ANXA3: variants seen among roughly 807,000 people sequenced by gnomAD.
ANXA3 encodes annexin A3, also known as 35-alpha calcimedin.
ANXA3 carries 46 observed loss-of-function variants against 48.8 expected under a neutral mutation model. The ratio of observed to expected loss-of-function variants is 0.94; its 90% CI spans 0.74 to 1.21. The LOEUF (loss-of-function observed/expected upper bound fraction) is 1.21, where lower values mean the gene tolerates loss of function less well. Ranked by LOEUF, ANXA3 falls within the 50% of genes most tolerant of loss-of-function variation. ANXA3 has a pLI of 0.00. For missense variants in ANXA3, 383 were observed against 378.6 expected, an observed-to-expected ratio of 1.01 and a Z score of -0.10; for synonymous variants, 128 against 134.7, an observed-to-expected ratio of 0.95 and a Z score of 0.35.
At chr4:78,590,040 A>T (rs958265078) in intron 6 of ANXA3, among the ~76,000 whole-genome samples, 1 of 152,156 alleles carries the variant, frequency 6.6e-6, no homozygotes, top group Non-Finnish European at 1.5e-5. Flanking sequence ...GGTTGAAATA[A>T]TTTTTTACTC....
Position 78,595,420 on chromosome 4 carries a change from GCCAA to G in ANXA3, c.524_527del (p.Ala175AspfsTer28), listed in dbSNP as rs778159747. ...AAGTCTGAAAGTGGATGAGCATCTG[GCCAA>G]ACAAGATGCCCAGGTCAGTAACAAA... is the stretch of plus-strand genomic sequence containing the variant. On this transcript the variant is annotated frameshift_variant, in exon 8 of 13. Coordinates refer to ENST00000264908, the MANE Select transcript of ANXA3 (RefSeq NM_005139.3). LOFTEE classifies it high-confidence loss of function. The G allele has an allele frequency of 3.1e-6, 5 of 1,613,288 alleles. No homozygotes were observed. The highest frequency in any genetic ancestry group is 4.2e-6 in the Non-Finnish European group (5 of 1,179,820).
At chr4:78,563,759 A>T (rs985483624) in intron 2 of ANXA3, among the ~76,000 whole-genome samples, 1 of 152,200 alleles carries the variant, frequency 6.6e-6, no homozygotes, top group African/African-American at 2.4e-5. Context: ...ATTTAAGAAG[A>T]TGTGGATTCT....
chr4:78,568,470 G>C (rs1172893231), intron 2 of ANXA3, among the ~76,000 whole-genome samples: 1 of 152,230 alleles, frequency 6.6e-6, no homozygotes, highest in East Asian at 1.9e-4. Flanking sequence ...TCAATTTTTG[G>C]ATGTGGCCTT....
rs6837672 is a variant in ANXA3, at chr4:78,578,304, A to C, written c.104-723A>C. 7.1e-3 allele frequency among the ~76,000 whole-genome samples: 578 copies of C among 81,978 alleles called. 7 individuals carry two copies. The highest frequency in any genetic ancestry group is 0.032 in the African/African-American group (554 of 17,408). 53.8% of individuals were successfully genotyped at this position (81,978 alleles called of 152,430 possible). A position where few individuals can be genotyped will look rare whatever the true frequency, so the allele number is the denominator to read the frequency against. The stretch of plus-strand genomic sequence containing the variant: ...GCGAAGGGGAGAGAGAGAGCGAGAG[A>C]GAGAGAGAGAGAGAGAGAGAGAGAG... On this transcript the variant is annotated intron_variant, in intron 3 of 12. Transcript: ENST00000264908.
At chr4:78,571,014 C>CTTTA (rs927639681) in intron 2 of ANXA3, 32 of 152,076 alleles carry the variant, frequency 2.1e-4, no homozygotes, top group African/African-American at 7.5e-4. Context: ...TTCTTTCTTT[C>CTTTA]TTTCTTTTTT....
chr4:78,582,281 A>C lies in ANXA3; in HGVS notation c.303A>C (p.Lys101Asn). The change falls in exon 5 of 13, where the codon AAA becomes AAC. Residue 101 changes from lysine to asparagine, a missense_variant. Lys to Asn is a moderately conservative substitution (Grantham distance 94). Coordinates refer to ENST00000264908, the MANE Select transcript of ANXA3 (RefSeq NM_005139.3). ...TCTTTGATGCAAAGCAGCTAAAGAA[A>C]TCCATGAAGGTATGAGCCCCCCACA... ...PAVFDAKQLK[K>N]SMKGAGTNED... The C allele has an allele frequency of 6.2e-7, 1 of 1,610,586 alleles. No homozygotes were observed. The highest frequency in any genetic ancestry group is 1.3e-5 in the African/African-American group (1 of 74,952).
chr4:78,589,878 G>A (rs929449981), intron 6 of ANXA3, among the ~76,000 whole-genome samples: 4 of 152,010 alleles, frequency 2.6e-5, no homozygotes, highest in South Asian at 2.1e-4. Context: ...AACTTTTTTC[G>A]GTATTCTAAA....
intron 5 of ANXA3, among the ~76,000 whole-genome samples, chr4:78,583,551 C>G (rs1304675964): frequency 1.3e-5 from 2 of 150,144 alleles, no homozygotes; most frequent in African/African-American, 4.9e-5. Context: ...TTAAGCCCAG[C>G]AGGTCTAGGC....
intron 9 of ANXA3, 81 bp downstream of exon 9, chr4:78,595,968 A>T: frequency 1.0e-6 from 1 of 962,118 alleles, no homozygotes; most frequent in Non-Finnish European, 1.6e-6. Context: ...AGATCTAGAA[A>T]AACGAAGTTT....
chr4:78,573,080 G>A (rs756675728), intron 2 of ANXA3, 100 bp from the exon 3 acceptor site: 2 of 907,748 alleles, frequency 2.2e-6, no homozygotes, highest in Admixed American at 3.4e-5. Context: ...GCGAATTATG[G>A]GTTTGTCATA....
intron 7 of ANXA3, among the ~76,000 whole-genome samples, chr4:78,592,688 A>C (rs888455873): frequency 1.3e-5 from 2 of 152,232 alleles, no homozygotes; most frequent in Non-Finnish European, 2.9e-5. Flanking sequence ...GTCTTAAAGC[A>C]TTCATTTTCA....
At chr4:78,561,145 G>A (rs1380538138) in intron 2 of ANXA3, among the ~76,000 whole-genome samples, 1 of 152,274 alleles carries the variant, frequency 6.6e-6, no homozygotes, top group African/African-American at 2.4e-5. Flanking sequence ...ATCCGCGGTG[G>A]TAGAAATGTT....
chr4:78,605,994 T>C (rs549904293), intron 12 of ANXA3, among the ~76,000 whole-genome samples: 1 of 152,228 alleles, frequency 6.6e-6, no homozygotes, highest in Non-Finnish European at 1.5e-5. Flanking sequence ...TGAAAGTCTC[T>C]AGTAAATGAG....
intron 2 of ANXA3, among the ~76,000 whole-genome samples, chr4:78,560,375 A>G (rs1222351892): frequency 6.6e-6 from 1 of 152,198 alleles, no homozygotes; most frequent in Non-Finnish European, 1.5e-5. Context: ...AGAATTCCCT[A>G]GAATGATTCA....
chr4:78,554,399 A>T, intron 1 of ANXA3, 37 bp from the exon 2 acceptor site: 1 of 1,345,322 alleles, frequency 7.4e-7, no homozygotes, highest in African/African-American at 1.4e-5. Context: ...TCTGAATCAC[A>T]TATTGATACC....
chr4:78,591,897 A>C (rs1322492168), intron 7 of ANXA3, among the ~76,000 whole-genome samples: 1 of 152,258 alleles, frequency 6.6e-6, no homozygotes, highest in Non-Finnish European at 1.5e-5. Context: ...ATTAGAAGAC[A>C]TTCTGATACA....
At chr4:78,579,210 C>T (rs560892551) in intron 4 of ANXA3, 89 bp downstream of exon 4, 4 of 858,760 alleles carry the variant, frequency 4.7e-6, no homozygotes, top group East Asian at 5.4e-5. Context: ...TCTTCTGTTT[C>T]AGGCTGAGTG....
At chr4:78,591,673 A>G (rs1456235164) in intron 7 of ANXA3, 50 bp downstream of exon 7, 1 of 1,335,592 alleles carries the variant, frequency 7.5e-7, no homozygotes, top group Admixed American at 1.8e-5. Context: ...TGCATGCTCA[A>G]TAACAATTTT....
At chr4:78,604,858 T>C (rs1351491504) in intron 12 of ANXA3, among the ~76,000 whole-genome samples, 2 of 152,236 alleles carry the variant, frequency 1.3e-5, no homozygotes, top group African/African-American at 4.8e-5. Context: ...ATCATTCCAT[T>C]GTTTGTATAT....
Sources: gnomAD v4.1 joint callset for allele counts (sites outside exome capture counted in the v4.1 genomes callset) on GRCh38, gnomAD v4.1.1 for gene constraint, MANE v1.5 for transcripts, NCBI Gene and HGNC (gene_info 2026-07-23, HGNC 2026-07-21) for gene names.